BMP4: variants seen among roughly 807,000 people sequenced by gnomAD.
BMP4 encodes bone morphogenetic protein 4.
Under a neutral mutation model 29.6 loss-of-function variants are expected in BMP4, and 3 were observed. The ratio of observed to expected loss-of-function variants is 0.10; its 90% CI spans 0.05 to 0.26. The LOEUF (loss-of-function observed/expected upper bound fraction) is 0.26. Ranked by LOEUF, BMP4 falls within the 10% of genes least tolerant of loss-of-function variation. The pLI is 1.00. For synonymous variants in BMP4, 197 were observed against 213.2 expected, an observed-to-expected ratio of 0.92 and a Z score of 0.66; for missense variants, 455 against 550.2, an observed-to-expected ratio of 0.83 and a Z score of 1.73.
chr14:53,955,692 C>A lies in BMP4; in HGVS notation c.-133+858G>T. 6.6e-6 allele frequency: 1 copy of A among 152,176 alleles called. No homozygotes were observed. The highest frequency in any genetic ancestry group is 1.9e-4 in the East Asian group (1 of 5,152). The allele number at this position is 152,176 out of a possible 1,614,324, so 9.4% of individuals were successfully genotyped here. ...CAGTGCTTGGAGGCCTCTAAGGCCC[C>A]CGGACCAACTCCCGCTGGAAGAAGC... On this transcript the variant is annotated intron_variant, in intron 1 of 3. Coordinates refer to ENST00000245451, the MANE Select transcript of BMP4 (RefSeq NM_001202.6). The surrounding 1 kb of genome is among the most constrained non-coding windows in gnomAD (Gnocchi z 4.0).
rs1895614170 is a variant in BMP4, at chr14:53,954,236, C to G, written c.-132-836G>C. Among the ~76,000 whole-genome samples the G allele has an allele frequency of 6.6e-6, 1 of 152,004 alleles. No individual in the cohort carries two copies. Among genetic ancestry groups the G allele is most frequent in the Non-Finnish European group, 1.5e-5 (1 of 67,998 alleles). ...CAAACCTAGTCCGCCGCTGCGTGGC[C>G]CCTCTCCCCATGCAAAGCAGACCCC... On this transcript the variant is annotated intron_variant, in intron 1 of 3. Transcript: ENST00000245451. The surrounding 1 kb of genome is among the most constrained non-coding windows in gnomAD (Gnocchi z 4.8).
chr14:53,953,438 A>C (rs946068027), intron 1 of BMP4, 38 bp from the exon 2 acceptor site: 1 of 398,856 alleles, frequency 2.5e-6, no homozygotes, highest in Non-Finnish European at 4.4e-6. Flanking sequence ...ACTCCACCGC[A>C]GACAGGCTCT....
At chr14:53,951,300 C>CTA in intron 3 of BMP4, 1 of 257,192 alleles carries the variant, frequency 3.9e-6, no homozygotes, top group South Asian at 5.1e-5. Flanking sequence ...ATGCAGACAA[C>CTA]CACCCTCTCC....
chr14:53,952,395 C>T (rs1355164833), intron 2 of BMP4, among the ~76,000 whole-genome samples, 166 bp from the exon 3 acceptor site: 4 of 151,682 alleles, frequency 2.6e-5, no homozygotes, highest in African/African-American at 7.3e-5. Flanking sequence ...ACCACCCGCC[C>T]ACCCACCAGC....
chr14:53,951,765 A>G, intron 3 of BMP4, 88 bp downstream of exon 3: 1 of 1,544,986 alleles, frequency 6.5e-7, no homozygotes, highest in East Asian at 2.3e-5. Flanking sequence ...CTTTGATGTA[A>G]CCCGAACTCT....
At position 53,956,606 on chromosome 14, in the gene BMP4, G is replaced by A; in HGVS notation, c.-189C>T. On this transcript the variant is annotated 5_prime_UTR_variant, in exon 1 of 4. Transcript: ENST00000245451. ...AGCAGCTCCTGGGGACCTCTGAACG[G>A]TTGCAGTGAACCTGGGCGAGGGCCG... 1 of 399,382 alleles carries A rather than the reference G, an allele frequency of 2.5e-6. No individual in the cohort carries two copies. Among genetic ancestry groups the A allele is most frequent in the Admixed American group, 4.4e-5 (1 of 22,740 alleles). 24.7% of individuals were successfully genotyped at this position (399,382 alleles called of 1,614,324 possible).
rs1302266221 is a variant in BMP4 at position 53,954,989 on chromosome 14, C to T, written c.-133+1561G>A. Among the ~76,000 whole-genome samples the T allele has an allele frequency of 6.6e-6, 1 of 152,220 alleles. No individual in the cohort carries two copies. The highest frequency in any genetic ancestry group is 1.5e-5 in the Non-Finnish European group (1 of 68,036). On this transcript the variant is annotated intron_variant, in intron 1 of 3. Coordinates refer to ENST00000245451, the MANE Select transcript of BMP4 (RefSeq NM_001202.6). The surrounding 1 kb of genome is among the most constrained non-coding windows in gnomAD (Gnocchi z 4.8). ...GATCGAACAGCTCAGCCCTCCCTCC[C>T]GACCGTGGATGCCCGGAGTCGACCA...
rs1331786768 is a variant in BMP4, at chr14:53,950,200, G to A, written c.1059C>T (p.Asn353=). 6.2e-7 allele frequency: 1 copy of A among 1,614,146 alleles called. No homozygotes were observed. Among genetic ancestry groups the A allele is most frequent in the Non-Finnish European group, 8.5e-7 (1 of 1,180,060 alleles). ...FPLADHLNST[N]HAIVQTLVNS... is the part of the protein sequence containing the mutation. ...TGACCAGGGTCTGCACAATGGCATG[G>A]TTGGTTGAGTTGAGGTGGTCAGCCA... Residue 353 remains asparagine, a synonymous_variant, in exon 4 of 4, where the codon AAC becomes AAT. Coordinates refer to ENST00000245451, the MANE Select transcript of BMP4 (RefSeq NM_001202.6). The surrounding 1 kb of genome is among the most constrained non-coding windows in gnomAD (Gnocchi z 5.4).
At chr14:53,951,714 T>G in intron 3 of BMP4, 139 bp downstream of exon 3, 2 of 1,350,198 alleles carry the variant, frequency 1.5e-6, no homozygotes, top group Non-Finnish European at 2.0e-6. Flanking sequence ...TGCAAATTCT[T>G]GGAGGTAAGC....
At chr14:53,951,829 C>T (rs768455462) in intron 3 of BMP4, 24 bp downstream of exon 3, 7 of 1,598,040 alleles carry the variant, frequency 4.4e-6, no homozygotes, top group South Asian at 1.1e-5. Context: ...CCCTCCCCCA[C>T]GCAGACTGGG....
Position 53,956,767 on chromosome 14 carries a change from C to T in BMP4, c.-350G>A, listed in dbSNP as rs1409005783. 2.0e-5 allele frequency: 8 copies of T among 399,982 alleles called. No individual in the cohort carries two copies. Among genetic ancestry groups the T allele is most frequent in the East Asian group, 7.1e-5 (2 of 28,112 alleles). The allele number at this position is 399,982 out of a possible 1,614,324, so 24.8% of individuals were successfully genotyped here. ...TCGGATGCCACACTCACCTAGCTTC[C>T]GGGCCGGGCTCCGCGCTCCTTCCCT... On this transcript the variant is annotated 5_prime_UTR_variant, in exon 1 of 4. Transcript: ENST00000245451.
At position 53,950,217 on chromosome 14, in the gene BMP4, G is replaced by A. The variant is rs1213342000; in HGVS notation, c.1042C>T (p.His348Tyr). 1.9e-6 allele frequency: 3 copies of A among 1,614,100 alleles called. No individual in the cohort carries two copies. Among genetic ancestry groups the A allele is most frequent in the Admixed American group, 3.3e-5 (2 of 60,008 alleles). The change falls in exon 4 of 4, where the codon CAC becomes TAC. Residue 348 changes from histidine (H) to tyrosine (Y), a missense_variant. Around this residue, in one of 4 missense-constraint regions of BMP4, gnomAD observed 48 missense variants for 90.4 expected, o/e 0.53. Coordinates refer to ENST00000245451, the MANE Select transcript of BMP4 (RefSeq NM_001202.6). This position sits in a 1 kb window ranked among gnomAD's most constrained non-coding sequence, Gnocchi z 5.4. ...ATGGCATGGTTGGTTGAGTTGAGGT[G>A]GTCAGCCAGTGGAAAGGGGCAGTCC... ...HGDCPFPLADHLNSTNHAIVQ... is the reference protein window; with the variant it reads ...HGDCPFPLADYLNSTNHAIVQ...
Position 53,951,666 on chromosome 14 carries a change from C to G in BMP4, c.370+187G>C, listed in dbSNP as rs571825996. 3 of 898,142 alleles carry G rather than the reference C, an allele frequency of 3.3e-6. No individual in the cohort carries two copies. In the African/African-American group the frequency reaches 5.0e-5, roughly 15 times the overall value. The allele number at this position is 898,142 out of a possible 1,614,324, so 55.6% of individuals were successfully genotyped here. On this transcript the variant is annotated intron_variant, in intron 3 of 3. Transcript: ENST00000245451. ...GTCATTCCCCTTCCCCTGAACACCT[C>G]CCCCTCTGTCTCCAAAAAATAAGTT...
intron 2 of BMP4, 89 bp downstream of exon 2, chr14:53,953,184 AAAG>A (rs1447700813): frequency 7.7e-6 from 3 of 390,084 alleles, no homozygotes; most frequent in Admixed American, 4.5e-5. Context: ...TGGATATTGT[AAAG>A]GAGGTCCGAC....
chr14:53,950,031 C>T lies in BMP4; in HGVS notation c.*1G>A. The stretch of plus-strand genomic sequence containing the variant: ...TGTCTATCCTCAAGGACTGCCTGAT[C>T]TCAGCGGCACCCACATCCCTCTACT... On this transcript the variant is annotated 3_prime_UTR_variant, in exon 4 of 4. Coordinates refer to ENST00000245451, the MANE Select transcript of BMP4 (RefSeq NM_001202.6). The surrounding 1 kb of genome is among the most constrained non-coding windows in gnomAD (Gnocchi z 5.4). The T allele has an allele frequency of 1.2e-6, 2 of 1,613,938 alleles. No homozygotes were observed. The highest frequency in any genetic ancestry group is 1.7e-6 in the Non-Finnish European group (2 of 1,179,990).
intron 3 of BMP4, among the ~76,000 whole-genome samples, 156 bp from the exon 4 acceptor site, chr14:53,951,044 T>C (rs1000655593): frequency 6.6e-6 from 1 of 152,182 alleles, no homozygotes; most frequent in Non-Finnish European, 1.5e-5. Flanking sequence ...CCCCTTAATT[T>C]GAAGGAGCAG....
rs1566577821 is a variant in BMP4, at chr14:53,949,763, AT to A, written c.*268del. On this transcript the variant is annotated 3_prime_UTR_variant, in exon 4 of 4. Coordinates refer to ENST00000245451, the MANE Select transcript of BMP4 (RefSeq NM_001202.6). ...TACCTTTAAAATAATGACTCATTTT[AT>A]TTTTTTCTTTTAATACGTAGTTATA... 5 of 359,302 alleles carry A rather than the reference AT, an allele frequency of 1.4e-5. No individual in the cohort carries two copies. The highest frequency in any genetic ancestry group is 1.3e-4 in the Admixed American group (3 of 23,362). 22.3% of individuals were successfully genotyped at this position (359,302 alleles called of 1,614,324 possible).
At position 53,950,570 on chromosome 14, in the gene BMP4, G is replaced by C. The variant is rs775908956; in HGVS notation, c.689C>G (p.Pro230Arg). 6.2e-7 allele frequency: 1 copy of C among 1,614,208 alleles called. No homozygotes were observed. The highest frequency in any genetic ancestry group is 1.1e-5 in the South Asian group (1 of 91,086). ...AVLRWTREKQ[P>R]NYGLAIEVTH... ...CACCTCAATGGCTAGCCCATAGTTT[G>C]GCTGCTTCTCCCGGGTCCAGCGAAG... is the stretch of plus-strand genomic sequence containing the variant. Residue 230 changes from proline (P) to arginine (R), a missense_variant, in exon 4 of 4, where the codon CCA becomes CGA. Around this residue, in one of 4 missense-constraint regions of BMP4, gnomAD observed 154 missense variants for 156.8 expected, o/e 0.98. Coordinates refer to ENST00000245451, the MANE Select transcript of BMP4 (RefSeq NM_001202.6). This position sits in a 1 kb window ranked among gnomAD's most constrained non-coding sequence, Gnocchi z 5.4.
In BMP4 at chr14:53,953,297, A is replaced by G. The variant is rs1895545551; in HGVS notation, c.-29T>C. On this transcript the variant is annotated 5_prime_UTR_variant, in exon 2 of 4. Coordinates refer to ENST00000245451, the MANE Select transcript of BMP4 (RefSeq NM_001202.6). ...TCACTGACAGAAAACAAGGCATATA[A>G]TAACAGTCCATGATTCTTGACAGCC... The G allele has an allele frequency of 5.0e-6, 2 of 399,060 alleles. No individual in the cohort carries two copies. The highest frequency in any genetic ancestry group is 8.8e-6 in the Non-Finnish European group (2 of 226,122). The allele number at this position is 399,060 out of a possible 1,614,324, so 24.7% of individuals were successfully genotyped here.
Sources: allele counts gnomAD v4.1 joint callset (sites outside exome capture counted in the v4.1 genomes callset), GRCh38; gene constraint gnomAD v4.1.1; regional missense constraint gnomAD v4.1.1; non-coding constraint Gnocchi (gnomAD v3.1); transcripts MANE v1.5; gene names NCBI Gene and HGNC (gene_info 2026-07-23, HGNC 2026-07-21).